SLA: variants seen among roughly 807,000 people sequenced by gnomAD.
SLA encodes Src like adaptor.
A neutral mutation model predicts 30.3 loss-of-function variants in SLA; 16 were observed. That is an observed-to-expected ratio of 0.53 (90% confidence interval 0.36 to 0.80). The LOEUF is 0.80. Among genes scored for constraint, SLA ranks in the 30% least tolerant of loss-of-function variants. The pLI is 0.01. For missense variants in SLA, 310 were observed against 345.2 expected, an observed-to-expected ratio of 0.90 and a Z score of 0.81; for synonymous variants, 143 against 137.8, an observed-to-expected ratio of 1.04 and a Z score of -0.26.
At chr8:133,055,824 CCAGCAGCAG>C (rs36210010) in intron 3 of SLA, among the ~76,000 whole-genome samples, 35 of 150,884 alleles carry the variant, frequency 2.3e-4, no homozygotes, top group Middle Eastern at 3.4e-3. Context: ...CTCCTCATCA[CCAGCAGCAG>C]CAGCAGCAGC....
intron 2 of SLA, among the ~76,000 whole-genome samples, chr8:133,065,445 G>A (rs1222708542): frequency 6.6e-6 from 1 of 152,182 alleles, no homozygotes; most frequent in Non-Finnish European, 1.5e-5. Context: ...TCAAACCCAA[G>A]AAGGCAACAG....
At chr8:133,056,934 G>A (rs1587919950) in intron 3 of SLA, among the ~76,000 whole-genome samples, 1 of 152,294 alleles carries the variant, frequency 6.6e-6, no homozygotes, top group East Asian at 1.9e-4. Context: ...ACCATCCCCA[G>A]GTTCTGATTC....
At chr8:133,065,856 C>T (rs1842959459) in intron 2 of SLA, among the ~76,000 whole-genome samples, 1 of 151,936 alleles carries the variant, frequency 6.6e-6, no homozygotes, top group Admixed American at 6.6e-5. Context: ...TTGGGGGAAA[C>T]TTTAATACAA....
At chr8:133,088,552 G>A (rs1321795787) in intron 1 of SLA, among the ~76,000 whole-genome samples, 1 of 152,200 alleles carries the variant, frequency 6.6e-6, no homozygotes, top group African/African-American at 2.4e-5. Context: ...TTGTTTTGGA[G>A]ATCATGAGAG....
At chr8:133,068,553 T>C (rs1284927174) in intron 2 of SLA, among the ~76,000 whole-genome samples, 1 of 152,204 alleles carries the variant, frequency 6.6e-6, no homozygotes, top group Non-Finnish European at 1.5e-5. Context: ...TTAATGAACA[T>C]AGTCATATGT....
At chr8:133,080,687 G>A (rs1845611791) in intron 1 of SLA, among the ~76,000 whole-genome samples, 1 of 152,164 alleles carries the variant, frequency 6.6e-6, no homozygotes. Flanking sequence ...CCATGGCAAT[G>A]TCAGCACTCA....
At chr8:133,090,267 C>T (rs962263890) in intron 1 of SLA, among the ~76,000 whole-genome samples, 3 of 152,230 alleles carry the variant, frequency 2.0e-5, no homozygotes, top group Non-Finnish European at 4.4e-5. Flanking sequence ...AGAAGTCACA[C>T]ATCTGGTTTC....
chr8:133,068,076 C>T (rs1242272427), intron 2 of SLA, among the ~76,000 whole-genome samples: 1 of 152,170 alleles, frequency 6.6e-6, no homozygotes, highest in Non-Finnish European at 1.5e-5. Context: ...GATAGGATAC[C>T]TCAATCCTGG....
At position 133,038,506 on chromosome 8, in the gene SLA, C is replaced by T. The variant is rs373150435; in HGVS notation, c.*18G>A. 1.1e-5 allele frequency: 17 copies of T among 1,571,742 alleles called. No homozygotes were observed. In the African/African-American group the frequency reaches 2.0e-4, roughly 19 times the overall value. On this transcript the variant is annotated 3_prime_UTR_variant, in exon 9 of 9. Transcript: ENST00000338087. ...ACTTCTGTTCCTTTTGGGCATGAACCATTGTGTCTGTTCTTGGCTAGTCCT... is the reference window on the plus strand; with the variant it reads ...ACTTCTGTTCCTTTTGGGCATGAACTATTGTGTCTGTTCTTGGCTAGTCCT...
chr8:133,072,368 T>G (rs1844190034), intron 2 of SLA, among the ~76,000 whole-genome samples: 1 of 152,082 alleles, frequency 6.6e-6, no homozygotes, highest in African/African-American at 2.4e-5. Context: ...GTAGGGAGAT[T>G]GAGAGAGGGA....
intron 8 of SLA, 148 bp downstream of exon 8, chr8:133,039,850 G>A (rs1255214526): frequency 1.4e-6 from 2 of 1,382,116 alleles, no homozygotes; most frequent in African/African-American, 1.4e-5. Context: ...TGTGGGGGGT[G>A]CTCACCCCCC....
At chr8:133,098,606 C>T (rs931565080) in intron 1 of SLA, among the ~76,000 whole-genome samples, 7 of 152,174 alleles carry the variant, frequency 4.6e-5, no homozygotes, top group Admixed American at 6.5e-5. Flanking sequence ...TGGCCATCTT[C>T]GACTTTTGAA....
chr8:133,100,140 T>C (rs748368007), intron 1 of SLA, among the ~76,000 whole-genome samples: 1 of 152,226 alleles, frequency 6.6e-6, no homozygotes, highest in Non-Finnish European at 1.5e-5. Flanking sequence ...TTAGAGTTTC[T>C]CAAATAGGCT....
At chr8:133,040,163 C>A (rs1419000424) in intron 7 of SLA, 33 bp from the exon 8 acceptor site, 1 of 1,564,464 alleles carries the variant, frequency 6.4e-7, no homozygotes. Context: ...GGTCAGGGAC[C>A]CTGGGGACGC....
chr8:133,096,439 T>A, intron 1 of SLA: 2 of 1,586,342 alleles, frequency 1.3e-6, no homozygotes, highest in Non-Finnish European at 1.7e-6. Flanking sequence ...GACCTCAATG[T>A]CTGACTTGAT....
At chr8:133,059,438 C>A (rs1397085685) in intron 3 of SLA, among the ~76,000 whole-genome samples, 6 of 152,146 alleles carry the variant, frequency 3.9e-5, no homozygotes, top group Non-Finnish European at 8.8e-5. Flanking sequence ...CCCTCCCAGG[C>A]CTCTGACCAG....
chr8:133,039,067 C>T (rs1405309927), intron 8 of SLA, among the ~76,000 whole-genome samples: 9 of 152,032 alleles, frequency 5.9e-5, no homozygotes, highest in African/African-American at 2.2e-4. Flanking sequence ...TGAGTAGAGA[C>T]AGGGTTTCAC....
intron 6 of SLA, chr8:133,047,527 T>C (rs1839656170): frequency 2.5e-6 from 1 of 400,694 alleles, no homozygotes; most frequent in Non-Finnish European, 4.7e-6. Context: ...CTGCACAGCA[T>C]GCTGCCTACA....
intron 1 of SLA, among the ~76,000 whole-genome samples, chr8:133,089,255 T>C (rs4612318): frequency 0.28 from 43,319 of 152,140 alleles, 6,892 homozygotes; most frequent in African/African-American, 0.41. Context: ...CTGTTCCGCA[T>C]ATGGTGTTCC....
Sources: allele counts gnomAD v4.1 joint callset (sites outside exome capture counted in the v4.1 genomes callset), GRCh38; gene constraint gnomAD v4.1.1; transcripts MANE v1.5; gene names NCBI Gene and HGNC (gene_info 2026-07-23, HGNC 2026-07-21).